Variants in IQGAP3 observed in about 807,000 individuals in gnomAD.
IQGAP3 encodes IQ motif containing GTPase activating protein 3, also known as ras GTPase-activating-like protein IQGAP3.
Under a neutral mutation model 208.2 loss-of-function variants are expected in IQGAP3, and 165 were observed. The observed-to-expected ratio is 0.79, with a 90% CI of 0.70 to 0.90. The LOEUF (loss-of-function observed/expected upper bound fraction) is 0.90. Ranked by LOEUF, IQGAP3 falls within the 40% of genes least tolerant of loss-of-function variation. The pLI, the probability that IQGAP3 is intolerant of heterozygous loss-of-function variation, is 0.00. For missense variants in IQGAP3, 1,811 were observed against 2,043.1 expected (o/e 0.89, Z 2.19); for synonymous variants, 703 against 803.6 (o/e 0.87, Z 2.12).
chr1:156,547,372 C>T (rs1391859906), intron 19 of IQGAP3, among the ~76,000 whole-genome samples: 1 of 135,068 alleles, frequency 7.4e-6, no homozygotes, highest in African/African-American at 2.8e-5. Context: ...CACAGACACA[C>T]AGACACAGAC....
chr1:156,550,294 T>C lies in IQGAP3; in HGVS notation c.1792A>G (p.Arg598Gly), dbSNP rs1675485312. 2 of 1,613,894 alleles carry C rather than the reference T, an allele frequency of 1.2e-6. No individual in the cohort carries two copies. Among genetic ancestry groups the C allele is most frequent in the African/African-American group, 2.7e-5 (2 of 75,038 alleles). ...WLEEIRQGVV[R>G]ANQDTNTAQR... is the part of the protein sequence containing the mutation. ...GCTGTATTAGTGTCCTGGTTGGCTC[T>C]GACCACTCCCTGGCGGATCTCCTCA... is the stretch of plus-strand genomic sequence containing the variant. The change falls in exon 16 of 38, where the codon AGA (arginine) becomes GGA (glycine). Residue 598 changes from arginine (R) to glycine (G), a missense_variant. Transcript: ENST00000361170.
rs144258632 is a variant in IQGAP3 at position 156,561,970 on chromosome 1, G to T, written c.909C>A (p.Ala303=). 55 of 1,613,038 alleles carry T rather than the reference G, an allele frequency of 3.4e-5. No individual in the cohort carries two copies. The East Asian group carries it at 1.2e-3, about 35-fold the overall frequency. ...AGGCTTCAGGGCTCTGTCTTTCCAG[G>T]GCATCATCAACAACTTCTAGAGCCC... ...VHGALEVVDD[A]LERQSPEALL... Residue 303 remains alanine (A), a synonymous_variant, in exon 10 of 38, where the codon GCC becomes GCA. Coordinates refer to ENST00000361170, the MANE Select transcript of IQGAP3 (RefSeq NM_178229.5).
chr1:156,562,686 G>A (rs371337621), intron 8 of IQGAP3, 21 bp from the exon 9 acceptor site: 2 of 1,595,612 alleles, frequency 1.3e-6, no homozygotes, highest in South Asian at 2.2e-5. Context: ...TCCATTGAAA[G>A]GGAACCTGGG....
chr1:156,564,875 G>A (rs1676331589), intron 4 of IQGAP3, among the ~76,000 whole-genome samples, 184 bp from the exon 5 acceptor site: 1 of 152,122 alleles, frequency 6.6e-6, no homozygotes, highest in African/African-American at 2.4e-5. Flanking sequence ...GAAATTCACT[G>A]AGGATGCATA....
chr1:156,562,792 A>C (rs1676219826), intron 8 of IQGAP3, 127 bp from the exon 9 acceptor site: 1 of 861,406 alleles, frequency 1.2e-6, no homozygotes, highest in Non-Finnish European at 1.9e-6. Context: ...CAGTCTGCTC[A>C]GAATTCAGGA....
Position 156,548,668 on chromosome 1 carries a change from C to A in IQGAP3, c.1906G>T (p.Ala636Ser). ...GGAACTACCCCTCGAAGGGCCACTG[C>A]GGGGTTCCTCAACACCCGCTCAGTC... is the stretch of plus-strand genomic sequence containing the variant. ...AQTERVLRNP[A>S]VALRGVVPDC... Residue 636 changes from alanine to serine, a missense_variant, in exon 17 of 38, where the codon GCA (alanine) becomes TCA (serine). By Grantham distance (99) the Ala-to-Ser change is moderately conservative. Transcript: ENST00000361170. 1 of 1,612,116 alleles carries A rather than the reference C, an allele frequency of 6.2e-7. No individual in the cohort carries two copies. The highest frequency in any genetic ancestry group is 8.5e-7 in the Non-Finnish European group (1 of 1,178,772).
Position 156,566,072 on chromosome 1 carries a change from G to A in IQGAP3, c.315C>T (p.Asn105=), listed in dbSNP as rs1342394422. ...ATGLHFRHTD[N]INFWLSAIAH... is the part of the protein sequence containing the mutation. ...CTATTGCAGATAGCCAAAAGTTGAT[G>A]TTGTCTGTGTGACGGAAATGTAAGC... The change falls in exon 4 of 38, where the codon AAC becomes AAT. Residue 105 remains asparagine (N), a synonymous_variant. Transcript: ENST00000361170. 1 of 1,613,776 alleles carries A rather than the reference G, an allele frequency of 6.2e-7. No homozygotes were observed. The highest frequency in any genetic ancestry group is 1.3e-5 in the African/African-American group (1 of 74,912).
At position 156,533,957 on chromosome 1, in the gene IQGAP3, C is replaced by T. The variant is rs534913041; in HGVS notation, c.3873+52G>A. The T allele has an allele frequency of 5.6e-6, 9 of 1,609,916 alleles. No individual in the cohort carries two copies. In the African/African-American group the frequency reaches 1.1e-4, roughly 19 times the overall value. On this transcript the variant is annotated intron_variant, in intron 30 of 37. Transcript: ENST00000361170. ...GGCCAGCCCACTACCCCATCACAGG[C>T]TACCAAACCCTTGCCCACCCAGCCA...
chr1:156,553,580 C>CTTTTTTTT (rs11316423), intron 13 of IQGAP3, among the ~76,000 whole-genome samples: 2 of 88,040 alleles, frequency 2.3e-5, no homozygotes, highest in African/African-American at 3.7e-5. Flanking sequence ...TTCTTTCTTT[C>CTTTTTTTT]TTTTTTTTTT....
chr1:156,535,564 C>G (rs1674650397), intron 27 of IQGAP3, among the ~76,000 whole-genome samples: 1 of 152,192 alleles, frequency 6.6e-6, no homozygotes, highest in Non-Finnish European at 1.5e-5. Flanking sequence ...GCAGAGCACC[C>G]CAGCTCACCA....
chr1:156,548,257 A>G lies in IQGAP3; in HGVS notation c.2134-14T>C, dbSNP rs902023577. 2.5e-6 allele frequency: 4 copies of G among 1,612,118 alleles called. No individual in the cohort carries two copies. The highest frequency in any genetic ancestry group is 3.3e-5 in the Admixed American group (2 of 59,862). ...GGTGACAGCTGACTGTGGAGGCAGGAGAGAGACGCTGTGGTCTTTTGGGGA... is the reference window on the plus strand; with the variant it reads ...GGTGACAGCTGACTGTGGAGGCAGGGGAGAGACGCTGTGGTCTTTTGGGGA... On this transcript the variant is annotated splice_polypyrimidine_tract_variant and intron_variant, in intron 18 of 37. Transcript: ENST00000361170.
At chr1:156,541,303 C>T (rs1295348331) in intron 22 of IQGAP3, among the ~76,000 whole-genome samples, 1 of 151,906 alleles carries the variant, frequency 6.6e-6, no homozygotes, top group Non-Finnish European at 1.5e-5. Context: ...GCTCCTCCTC[C>T]TCCTCCTACC....
chr1:156,570,725 G>T (rs1676610514), intron 1 of IQGAP3, among the ~76,000 whole-genome samples: 1 of 152,198 alleles, frequency 6.6e-6, no homozygotes, highest in African/African-American at 2.4e-5. Context: ...GCCCAGGCTG[G>T]TCTTGGACTC....
At chr1:156,564,168 G>A (rs1676293185) in intron 5 of IQGAP3, among the ~76,000 whole-genome samples, 1 of 152,154 alleles carries the variant, frequency 6.6e-6, no homozygotes, top group Non-Finnish European at 1.5e-5. Context: ...AAGGGACATG[G>A]GAAGTGGTCA....
intron 32 of IQGAP3, among the ~76,000 whole-genome samples, chr1:156,531,535 G>A (rs1674403784): frequency 2.7e-5 from 4 of 150,792 alleles, no homozygotes; most frequent in Non-Finnish European, 5.9e-5. Flanking sequence ...GGTGCTCTGT[G>A]TTCAGCCCTA....
At position 156,532,995 on chromosome 1, in the gene IQGAP3, C is replaced by A; in HGVS notation, c.4088G>T (p.Arg1363Leu). ...LEADADDSNTRSLLLSTKQLL... is the reference protein window; with the variant it reads ...LEADADDSNTLSLLLSTKQLL... The stretch of plus-strand genomic sequence containing the variant: ...CATCACCCACCTCAGAAGCAGGCTA[C>A]GGGTGTTGGAGTCATCAGCATCTGC... Residue 1363 changes from arginine (R) to leucine (L), a missense_variant, in exon 32 of 38, where the codon CGT becomes CTT. Physicochemically the swap from Arg to Leu is moderately radical, Grantham distance 102. Coordinates refer to ENST00000361170, the MANE Select transcript of IQGAP3 (RefSeq NM_178229.5). The A allele has an allele frequency of 6.2e-7, 1 of 1,614,012 alleles. No individual in the cohort carries two copies. The highest frequency in any genetic ancestry group is 1.3e-5 in the African/African-American group (1 of 75,016).
In IQGAP3 at chr1:156,528,039, G is replaced by A. The variant is rs1258042569; in HGVS notation, c.4695C>T (p.Asp1565=). Residue 1565 remains aspartate, a synonymous_variant, in exon 37 of 38, where the codon GAC becomes GAT. Transcript: ENST00000361170. ...PASHFRNVIF[D]ITPGDEAGKF... ...TTCCTGCCTCATCTCCCGGCGTGAT[G>A]TCAAAGATGACGTTTCTGAAGCTGT... 1 of 1,613,992 alleles carries A rather than the reference G, an allele frequency of 6.2e-7. No individual in the cohort carries two copies. The highest frequency in any genetic ancestry group is 1.1e-5 in the South Asian group (1 of 91,080).
chr1:156,561,764 G>A, intron 10 of IQGAP3, 74 bp downstream of exon 10: 1 of 1,436,536 alleles, frequency 7.0e-7, no homozygotes, highest in Non-Finnish European at 9.7e-7. Flanking sequence ...CAACAGTGGT[G>A]ATCTTTGAGT....
At chr1:156,530,512 T>C (rs950341881) in intron 33 of IQGAP3, among the ~76,000 whole-genome samples, 195 bp from the exon 34 acceptor site, 7 of 152,134 alleles carry the variant, frequency 4.6e-5, no homozygotes, top group African/African-American at 1.7e-4. Flanking sequence ...TATCAAGGTA[T>C]AACACCATAA....
Sources: gnomAD v4.1 joint callset for allele counts (sites outside exome capture counted in the v4.1 genomes callset) on GRCh38, gnomAD v4.1.1 for gene constraint, MANE v1.5 for transcripts, NCBI Gene and HGNC (gene_info 2026-07-23, HGNC 2026-07-21) for gene names.